Variants in HTR1F observed in about 807,000 individuals in gnomAD.
HTR1F encodes 5-hydroxytryptamine (serotonin) receptor 1F, G protein-coupled.
Under a neutral mutation model 24.0 loss-of-function variants are expected in HTR1F, and 17 were observed. The ratio of observed to expected loss-of-function variants is 0.71; its 90% CI spans 0.48 to 1.06. HTR1F has a LOEUF of 1.06. HTR1F is among the 50% of genes least tolerant of loss of function. The probability of loss-of-function intolerance (pLI) is 0.00; values close to 1 mark genes in which losing one functional copy is unlikely to be tolerated. For synonymous variants in HTR1F, 186 were observed against 156.8 expected, an observed-to-expected ratio of 1.19 and a Z score of -1.39; for missense variants, 391 against 427.8, an observed-to-expected ratio of 0.91 and a Z score of 0.76.
At chr3:87,889,632 C>G (rs1162044224) in intron 2 of HTR1F, among the ~76,000 whole-genome samples, 1 of 152,082 alleles carries the variant, frequency 6.6e-6, no homozygotes, top group Non-Finnish European at 1.5e-5. Flanking sequence ...CCTTTGAAAA[C>G]AAGGCCGTCT....
At chr3:87,916,635 A>C (rs541500933) in intron 2 of HTR1F, among the ~76,000 whole-genome samples, 1 of 152,286 alleles carries the variant, frequency 6.6e-6, no homozygotes, top group East Asian at 1.9e-4. Flanking sequence ...AAAGAGGGAC[A>C]GTCTATGATG....
chr3:87,919,157 A>G (rs1703957230), intron 2 of HTR1F, among the ~76,000 whole-genome samples: 1 of 152,162 alleles, frequency 6.6e-6, no homozygotes, highest in African/African-American at 2.4e-5. Flanking sequence ...ATGCTGGGAT[A>G]ACTGGCTAGC....
chr3:87,813,727 G>A (rs1278513037), intron 1 of HTR1F, among the ~76,000 whole-genome samples: 1 of 152,100 alleles, frequency 6.6e-6, no homozygotes, highest in African/African-American at 2.4e-5. Flanking sequence ...TTGGATTATG[G>A]GGGTCATTCC....
At chr3:87,805,386 G>A (rs949140275) in intron 1 of HTR1F, among the ~76,000 whole-genome samples, 2 of 151,984 alleles carry the variant, frequency 1.3e-5, no homozygotes, top group African/African-American at 2.4e-5. Flanking sequence ...CAGTGTCTCT[G>A]AATTAATTTA....
At chr3:87,981,663 T>G (rs1705547252) in intron 2 of HTR1F, among the ~76,000 whole-genome samples, 1 of 152,232 alleles carries the variant, frequency 6.6e-6, no homozygotes, top group Non-Finnish European at 1.5e-5. Flanking sequence ...CTCTTTAGGT[T>G]TCAGCAACAG....
chr3:87,920,641 A>G (rs575217572), intron 2 of HTR1F, among the ~76,000 whole-genome samples: 2 of 152,124 alleles, frequency 1.3e-5, no homozygotes, highest in South Asian at 2.1e-4. Context: ...ACCAAATATC[A>G]TATGTTCTCA....
intron 2 of HTR1F, among the ~76,000 whole-genome samples, chr3:87,823,371 A>G (rs1268746424): frequency 6.6e-6 from 1 of 152,218 alleles, no homozygotes; most frequent in Non-Finnish European, 1.5e-5. Flanking sequence ...TACTGATTCA[A>G]GATGCTCTTG....
chr3:87,881,022 G>A (rs549924369), intron 2 of HTR1F, among the ~76,000 whole-genome samples: 14 of 152,272 alleles, frequency 9.2e-5, no homozygotes, highest in African/African-American at 2.6e-4. Flanking sequence ...CACAGAATAC[G>A]GGTGATTTCT....
intron 2 of HTR1F, among the ~76,000 whole-genome samples, chr3:87,853,781 T>C (rs1445551342): frequency 3.3e-5 from 5 of 152,118 alleles, no homozygotes; most frequent in African/African-American, 1.2e-4. Flanking sequence ...TGGTATCTCA[T>C]TGTAGGTTTG....
chr3:87,956,426 T>G (rs921017880), intron 2 of HTR1F, among the ~76,000 whole-genome samples: 5 of 151,328 alleles, frequency 3.3e-5, no homozygotes, highest in African/African-American at 1.2e-4. Context: ...AACTTTAGAG[T>G]AAGTCTTGAA....
In HTR1F at chr3:87,991,571, T is replaced by C. The variant is rs201728270; in HGVS notation, c.822T>C (p.His274=). Residue 274 remains histidine, a synonymous_variant, in exon 3 of 3, where the codon CAT becomes CAC. Coordinates refer to ENST00000319595, the MANE Select transcript of HTR1F (RefSeq NM_001322209.2). ...TVRSLRSEFK[H]EKSWRRQKIS... ...GAAGTCTCAGGTCTGAATTCAAGCATGAGAAATCTTGGAGAAGGCAAAAGA... is the reference window on the plus strand; with the variant it reads ...GAAGTCTCAGGTCTGAATTCAAGCACGAGAAATCTTGGAGAAGGCAAAAGA... 183 of 1,614,098 alleles carry C rather than the reference T, an allele frequency of 1.1e-4. No individual in the cohort carries two copies. The Middle Eastern group carries it at 4.0e-3, about 35-fold the overall frequency.
intron 2 of HTR1F, among the ~76,000 whole-genome samples, chr3:87,907,530 T>C (rs1703694383): frequency 6.6e-6 from 1 of 152,084 alleles, no homozygotes; most frequent in Admixed American, 6.6e-5. Context: ...ACAAAATTGA[T>C]TTGAAAAATC....
intron 2 of HTR1F, among the ~76,000 whole-genome samples, chr3:87,897,014 A>G (rs1706212625): frequency 6.6e-6 from 1 of 152,094 alleles, no homozygotes; most frequent in South Asian, 2.1e-4. Flanking sequence ...CCTCAAAAAT[A>G]TTAAAAATAG....
At chr3:87,831,169 T>C (rs1055634891) in intron 2 of HTR1F, among the ~76,000 whole-genome samples, 1 of 151,820 alleles carries the variant, frequency 6.6e-6, no homozygotes, top group South Asian at 2.1e-4. Context: ...TATTCTTATA[T>C]ATATGAGAAG....
At chr3:87,858,568 G>A (rs1705249858) in intron 2 of HTR1F, among the ~76,000 whole-genome samples, 2 of 152,006 alleles carry the variant, frequency 1.3e-5, no homozygotes, top group Non-Finnish European at 1.5e-5. Context: ...GGGGACTAAA[G>A]TACTATATTT....
Position 87,817,710 on chromosome 3 carries a change from C to A in HTR1F, c.-159-4298C>A, listed in dbSNP as rs559567695. On this transcript the variant is annotated intron_variant, in intron 1 of 2. Coordinates refer to ENST00000319595, the MANE Select transcript of HTR1F (RefSeq NM_001322209.2). ...GCTGTTGTGAGCAATCTTTTAGATGCCTTTACTCCAAGTGACATAAAGGAA... is the reference window on the plus strand; with the variant it reads ...GCTGTTGTGAGCAATCTTTTAGATGACTTTACTCCAAGTGACATAAAGGAA... Among the ~76,000 whole-genome samples, 5 of 152,044 alleles carry A rather than the reference C, an allele frequency of 3.3e-5. 1 individual carries two copies. Among genetic ancestry groups the A allele is most frequent in the Non-Finnish European group, 7.4e-5 (5 of 67,998 alleles).
Position 87,853,794 on chromosome 3 carries a change from T to G in HTR1F, c.-43+31670T>G, listed in dbSNP as rs1374571229. On this transcript the variant is annotated intron_variant, in intron 2 of 2. Coordinates refer to ENST00000319595, the MANE Select transcript of HTR1F (RefSeq NM_001322209.2). The stretch of plus-strand genomic sequence containing the variant: ...GATGGTATCTCATTGTAGGTTTGAT[T>G]TGCATTTCTCTAGTGATCAGGGATA... Among the ~76,000 whole-genome samples, 3 of 152,138 alleles carry G rather than the reference T, an allele frequency of 2.0e-5. No individual in the cohort carries two copies. In the South Asian group the frequency reaches 6.2e-4, roughly 32 times the overall value.
chr3:87,848,734 A>C (rs1381315403), intron 2 of HTR1F, among the ~76,000 whole-genome samples: 6 of 151,914 alleles, frequency 3.9e-5, no homozygotes, highest in African/African-American at 1.5e-4. Context: ...AAATCTCCTT[A>C]AGCTGATAAG....
chr3:87,959,212 C>T (rs1032604653), intron 2 of HTR1F, among the ~76,000 whole-genome samples: 1 of 151,670 alleles, frequency 6.6e-6, no homozygotes, highest in Admixed American at 6.6e-5. Flanking sequence ...AGTTCAAAAC[C>T]TACTCTCTGA....
Sources: allele counts gnomAD v4.1 joint callset (sites outside exome capture counted in the v4.1 genomes callset), GRCh38; gene constraint gnomAD v4.1.1; transcripts MANE v1.5; gene names NCBI Gene and HGNC (gene_info 2026-07-23, HGNC 2026-07-21).